Variants in SGCZ observed in about 807,000 individuals in gnomAD.
SGCZ encodes zeta-sarcoglycan.
SGCZ carries 40 observed loss-of-function variants against 41.3 expected under a neutral mutation model. The observed-to-expected ratio is 0.97, with a 90% CI of 0.75 to 1.26. The LOEUF (loss-of-function observed/expected upper bound fraction) is 1.26, where lower values mean the gene tolerates loss of function less well. Among genes scored for constraint, SGCZ ranks in the 50% most tolerant of loss-of-function variants. SGCZ has a pLI of 0.00. For missense variants in SGCZ, 552 were observed against 369.8 expected (o/e 1.49, Z -4.04); for synonymous variants, 206 against 137.5 (o/e 1.50, Z -3.49).
At chr8:14,919,278 A>C (rs958573355) in intron 1 of SGCZ, among the ~76,000 whole-genome samples, 1 of 151,874 alleles carries the variant, frequency 6.6e-6, no homozygotes, top group Admixed American at 6.6e-5. Flanking sequence ...CTCTCTACTA[A>C]AATACAAAAG....
At chr8:15,177,831 G>A (rs1278068492) in intron 1 of SGCZ, among the ~76,000 whole-genome samples, 2 of 152,100 alleles carry the variant, frequency 1.3e-5, no homozygotes, top group South Asian at 2.1e-4. Context: ...TTTCATGGGC[G>A]CCTCTGTCCA....
At chr8:14,826,729 CTTCTT>C (rs1802335865) in intron 1 of SGCZ, among the ~76,000 whole-genome samples, 1 of 152,130 alleles carries the variant, frequency 6.6e-6, no homozygotes, top group Non-Finnish European at 1.5e-5. Context: ...GCATAAATGT[CTTCTT>C]TTGAGAAGTG....
chr8:14,301,160 T>C (rs964693464), intron 3 of SGCZ, among the ~76,000 whole-genome samples: 9 of 152,096 alleles, frequency 5.9e-5, no homozygotes, highest in African/African-American at 2.2e-4. Context: ...GCTCGGTCAA[T>C]GCATCTAGTT....
At chr8:14,515,827 C>A (rs572152408) in intron 2 of SGCZ, among the ~76,000 whole-genome samples, 1 of 151,946 alleles carries the variant, frequency 6.6e-6, no homozygotes, top group Non-Finnish European at 1.5e-5. Flanking sequence ...AAGTTTTAGT[C>A]TTTTTCAATT....
At chr8:14,961,908 C>A (rs192853302) in intron 1 of SGCZ, among the ~76,000 whole-genome samples, 7 of 152,260 alleles carry the variant, frequency 4.6e-5, no homozygotes, top group African/African-American at 1.7e-4. Flanking sequence ...CAGGAGCAAG[C>A]CAATGTATGT....
At chr8:14,853,529 T>A (rs768949125) in intron 1 of SGCZ, 11 of 528,188 alleles carry the variant, frequency 2.1e-5, no homozygotes, top group African/African-American at 1.7e-4. Flanking sequence ...GGGGAGATTC[T>A]GAAGTCTCTT....
At chr8:15,214,065 T>C (rs972388945) in intron 1 of SGCZ, among the ~76,000 whole-genome samples, 2 of 152,064 alleles carry the variant, frequency 1.3e-5, no homozygotes, top group African/African-American at 4.8e-5. Flanking sequence ...ATATTCACTT[T>C]AGCCTTTCAT....
At chr8:14,418,857 T>C (rs1799565742) in intron 2 of SGCZ, among the ~76,000 whole-genome samples, 1 of 151,996 alleles carries the variant, frequency 6.6e-6, no homozygotes, top group South Asian at 2.1e-4. Context: ...GTCAACAGTT[T>C]TGTGGAACCC....
intron 1 of SGCZ, among the ~76,000 whole-genome samples, chr8:15,191,195 T>C (rs1030389298): frequency 2.0e-5 from 3 of 152,136 alleles, no homozygotes; most frequent in Non-Finnish European, 4.4e-5. Flanking sequence ...GCCATAATTT[T>C]CAACTAATAA....
intron 1 of SGCZ, among the ~76,000 whole-genome samples, chr8:14,806,509 C>G (rs1008602061): frequency 2.0e-5 from 3 of 152,168 alleles, no homozygotes; most frequent in African/African-American, 4.8e-5. Flanking sequence ...TCGACACATA[C>G]ACTTTCCCAA....
chr8:14,304,360 G>A (rs1006748834), intron 3 of SGCZ, among the ~76,000 whole-genome samples: 1 of 152,110 alleles, frequency 6.6e-6, no homozygotes, highest in Admixed American at 6.6e-5. Context: ...TTGGGATGCT[G>A]AGGCAGAAGG....
At chr8:14,318,388 T>C (rs1801788980) in intron 3 of SGCZ, among the ~76,000 whole-genome samples, 1 of 151,918 alleles carries the variant, frequency 6.6e-6, no homozygotes, top group Admixed American at 6.6e-5. Context: ...AATTTCATAA[T>C]ACAAGTTTAT....
chr8:15,014,459 C>G (rs1802950827), intron 1 of SGCZ, among the ~76,000 whole-genome samples: 1 of 152,122 alleles, frequency 6.6e-6, no homozygotes, highest in Non-Finnish European at 1.5e-5. Context: ...TCATATCTTC[C>G]CTAAGCACCT....
At chr8:14,544,029 G>C (rs1803549616) in intron 2 of SGCZ, among the ~76,000 whole-genome samples, 1 of 152,074 alleles carries the variant, frequency 6.6e-6, no homozygotes, top group South Asian at 2.1e-4. Context: ...CGAGCACAGA[G>C]TAATTATTTG....
intron 5 of SGCZ, among the ~76,000 whole-genome samples, chr8:14,116,362 T>C (rs1585148694): frequency 6.6e-6 from 1 of 152,134 alleles, no homozygotes; most frequent in Admixed American, 6.6e-5. Context: ...CCTCAAGATA[T>C]CTAAGAGACT....
At chr8:14,112,157 A>T (rs1563133536) in intron 5 of SGCZ, among the ~76,000 whole-genome samples, 1 of 152,028 alleles carries the variant, frequency 6.6e-6, no homozygotes, top group Admixed American at 6.6e-5. Context: ...GAGAAAAAGA[A>T]AGTCAGGCAG....
chr8:14,463,095 G>T (rs936023291), intron 2 of SGCZ, among the ~76,000 whole-genome samples: 1 of 151,338 alleles, frequency 6.6e-6, no homozygotes, highest in Non-Finnish European at 1.5e-5. Flanking sequence ...GGAATCTTTA[G>T]GGCTTTCTAT....
At chr8:15,194,342 T>C (rs1430569261) in intron 1 of SGCZ, among the ~76,000 whole-genome samples, 1 of 152,112 alleles carries the variant, frequency 6.6e-6, no homozygotes, top group East Asian at 1.9e-4. Flanking sequence ...CAAAACCCTA[T>C]ATTAAAGGTC....
chr8:15,169,534 A>C (rs1799767026), intron 1 of SGCZ, among the ~76,000 whole-genome samples: 1 of 152,298 alleles, frequency 6.6e-6, no homozygotes, highest in African/African-American at 2.4e-5. Context: ...CATGGGGTGG[A>C]ACAAAGAACC....
Sources: allele counts gnomAD v4.1 joint callset (sites outside exome capture counted in the v4.1 genomes callset), GRCh38; gene constraint gnomAD v4.1.1; transcripts MANE v1.5; gene names NCBI Gene and HGNC (gene_info 2026-07-23, HGNC 2026-07-21).